OOEP: variants seen among roughly 807,000 people sequenced by gnomAD.
OOEP encodes oocyte expressed protein, also known as oocyte-expressed protein homolog.
A neutral mutation model predicts 13.7 loss-of-function variants in OOEP; 16 were observed. The ratio of observed to expected loss-of-function variants is 1.16; its 90% confidence interval spans 0.79 to 1.77. OOEP has a LOEUF of 1.77. Among genes scored for constraint, OOEP ranks in the 40% most tolerant of loss-of-function variants. The pLI is 0.00. For missense variants in OOEP, 195 were observed against 193.1 expected (o/e 1.01, Z -0.06); for synonymous variants, 89 against 77.1 (o/e 1.15, Z -0.81).
At chr6:73,372,106 A>T (rs1352585910), upstream of OOEP, among the ~76,000 whole-genome samples, 1 of 152,138 alleles carries the variant, frequency 6.6e-6, no homozygotes, top group Non-Finnish European at 1.5e-5. Context: ...AGACCCTAAA[A>T]ATAAACCTAA....
intron 2 of OOEP, among the ~76,000 whole-genome samples, chr6:73,386,892 C>T (rs540372072): frequency 3.5e-5 from 5 of 141,958 alleles, no homozygotes; most frequent in East Asian, 2.4e-4. Context: ...CACTTGAACC[C>T]GGGAGGCGGA....
At chr6:73,390,460 A>G (rs1769331376) in intron 2 of OOEP, among the ~76,000 whole-genome samples, 1 of 152,120 alleles carries the variant, frequency 6.6e-6, no homozygotes, top group Non-Finnish European at 1.5e-5. Flanking sequence ...CTTCCCTTAT[A>G]CTTTAAATCA....
chr6:73,389,499 G>A (rs1281024462), intron 2 of OOEP, among the ~76,000 whole-genome samples: 1 of 152,126 alleles, frequency 6.6e-6, no homozygotes, highest in African/African-American at 2.4e-5. Context: ...TTCTAACCAA[G>A]TTGGGATTTA....
rs567715694 is a variant in OOEP, at chr6:73,368,625, T to C, written c.*159A>G. 101 of 584,708 alleles carry C rather than the reference T, an allele frequency of 1.7e-4. No individual in the cohort carries two copies. Among genetic ancestry groups the C allele is most frequent in the Non-Finnish European group, 2.5e-4 (82 of 329,184 alleles). The allele number at this position is 584,708 out of a possible 1,614,324, so 36.2% of individuals were successfully genotyped here. On this transcript the variant is annotated 3_prime_UTR_variant, in exon 3 of 3. Transcript: ENST00000370359. ...TTTGGCAAAATAGCCATTTCTTTAT[T>C]AGAATAGTTCAAACTCACTCTTGCA...
chr6:73,374,818 TTTAC>T (rs1361429834), upstream of OOEP, among the ~76,000 whole-genome samples: 1 of 152,142 alleles, frequency 6.6e-6, no homozygotes, highest in African/African-American at 2.4e-5. Context: ...TAACTATTTA[TTTAC>T]TTATTTATTT....
chr6:73,373,010 G>A (rs945287232), upstream of OOEP: 66 of 1,010,586 alleles, frequency 6.5e-5, no homozygotes, highest in African/African-American at 1.8e-4. Flanking sequence ...AAAACACGTC[G>A]AAATCTCCAG....
In OOEP at chr6:73,368,828, C is replaced by G. The variant is rs779914753; in HGVS notation, c.406G>C (p.Ala136Pro). Reference sequence around the variant, plus strand: ...GGAGAGTGGGGGTCTGATGCATGGGCCTTCAAGTTCTTCTCAAGGTGTTTC... The same window carrying G: ...GGAGAGTGGGGGTCTGATGCATGGGGCTTCAAGTTCTTCTCAAGGTGTTTC... The part of the protein sequence containing the change: ...KMKHLEKNLK[A>P]HASDPHSPQD... The change falls in exon 3 of 3, where the codon GCC becomes CCC. Residue 136 changes from alanine to proline, a missense_variant. Physicochemically the swap from Ala to Pro is conservative, Grantham distance 27. Coordinates refer to ENST00000370359, the MANE Select transcript of OOEP (RefSeq NM_001080507.3). 5.6e-6 allele frequency: 9 copies of G among 1,613,544 alleles called. No homozygotes were observed. The highest frequency in any genetic ancestry group is 1.7e-5 in the Admixed American group (1 of 59,970).
intron 2 of OOEP, among the ~76,000 whole-genome samples, chr6:73,383,803 G>A (rs1769236341): frequency 1.3e-5 from 2 of 152,082 alleles, no homozygotes; most frequent in African/African-American, 2.4e-5. Context: ...ACTAAGATCA[G>A]AAATGAATGT....
At chr6:73,374,100 ATAG>A (rs1412639356), upstream of OOEP, among the ~76,000 whole-genome samples, 1 of 152,072 alleles carries the variant, frequency 6.6e-6, no homozygotes, top group African/African-American at 2.4e-5. Context: ...CTGAGGAAGG[ATAG>A]CCTGAGTGCA....
At chr6:73,394,603 A>G (rs1050306519) in intron 1 of OOEP, 1 of 331,922 alleles carries the variant, frequency 3.0e-6, no homozygotes, top group Non-Finnish European at 5.6e-6. Context: ...CACGCCTGGA[A>G]AGGAATACAC....
intron 2 of OOEP, 63 bp downstream of exon 2, chr6:73,369,143 C>T: frequency 6.7e-7 from 1 of 1,499,388 alleles, no homozygotes; most frequent in Non-Finnish European, 9.1e-7. Flanking sequence ...TGGAAGGAAA[C>T]CGAGCAAGGC....
chr6:73,381,474 G>A (rs1769208495), intron 2 of OOEP, among the ~76,000 whole-genome samples: 2 of 152,186 alleles, frequency 1.3e-5, no homozygotes, highest in Admixed American at 1.3e-4. Context: ...AAAGCTAGTT[G>A]AAGAAAAGGT....
chr6:73,385,596 T>C (rs937965707), intron 2 of OOEP, among the ~76,000 whole-genome samples: 7 of 132,864 alleles, frequency 5.3e-5, no homozygotes, highest in Non-Finnish European at 1.1e-4. Context: ...AAAAGCTCTC[T>C]TTTTTTTTTT....
At chr6:73,392,726 G>T (rs1313597967) in intron 2 of OOEP, among the ~76,000 whole-genome samples, 4 of 143,796 alleles carry the variant, frequency 2.8e-5, no homozygotes, top group African/African-American at 1.0e-4. Context: ...CTGCCTCCCG[G>T]GTTCAAGCAA....
chr6:73,374,502 C>T (rs764833184), upstream of OOEP, among the ~76,000 whole-genome samples: 1 of 152,218 alleles, frequency 6.6e-6, no homozygotes, highest in Non-Finnish European at 1.5e-5. Context: ...AGGCCTGCCC[C>T]CAGCCCTGAA....
chr6:73,376,621 C>A (rs911089558), intron 2 of OOEP, among the ~76,000 whole-genome samples: 9 of 148,726 alleles, frequency 6.1e-5, no homozygotes, highest in African/African-American at 2.2e-4. Flanking sequence ...TACAGGCGCC[C>A]ACCACCAAGC....
chr6:73,394,923 A>C (rs770071600), exon 1 of OOEP: 2 of 1,614,162 alleles, frequency 1.2e-6, no homozygotes, highest in Non-Finnish European at 1.7e-6. Context: ...ACCACGGAGG[A>C]GCTCCCAAGG....
At chr6:73,383,326 G>A in intron 2 of OOEP, among the ~76,000 whole-genome samples, 1 of 152,144 alleles carries the variant, frequency 6.6e-6, no homozygotes, top group East Asian at 1.9e-4. Flanking sequence ...TGACCAGGAA[G>A]GAAGAACAAA....
chr6:73,377,772 A>G (rs1769154944), intron 2 of OOEP, among the ~76,000 whole-genome samples: 1 of 152,106 alleles, frequency 6.6e-6, no homozygotes, highest in Non-Finnish European at 1.5e-5. Context: ...GACTCAAGCA[A>G]TTCTCCTGCC....
Sources: gnomAD v4.1 joint callset for allele counts (sites outside exome capture counted in the v4.1 genomes callset) on GRCh38, gnomAD v4.1.1 for gene constraint, MANE v1.5 for transcripts, NCBI Gene and HGNC (gene_info 2026-07-23, HGNC 2026-07-21) for gene names.